ZNF285: variants seen among roughly 807,000 people sequenced by gnomAD.
The protein encoded by ZNF285 is zinc finger protein 285, also known as zinc finger protein 285A.
Under a neutral mutation model 6.2 loss-of-function variants are expected in ZNF285, and 4 were observed. The observed-to-expected ratio is 0.65, with a 90% confidence interval of 0.32 to 1.49. The LOEUF (loss-of-function observed/expected upper bound fraction) is 1.49. Ranked by LOEUF, ZNF285 falls within the 40% of genes most tolerant of loss-of-function variation. ZNF285 has a pLI of 0.07. For synonymous variants in ZNF285, 240 were observed against 245.8 expected (o/e 0.98, Z 0.22); for missense variants, 695 against 708.8 (o/e 0.98, Z 0.22).
intron 1 of ZNF285, among the ~76,000 whole-genome samples, chr19:44,399,087 G>A (rs1971332514): frequency 6.6e-6 from 1 of 151,702 alleles, no homozygotes; most frequent in African/African-American, 2.4e-5. Context: ...CAAATTATCT[G>A]GTCACAGACC....
In ZNF285 at chr19:44,382,497, A is replaced by G. The variant is rs1971019307; in HGVS notation, c.*3975T>C. ...GTATTTTTAGTAGAGACGGGGTTTCACTATGTTGGCCAGGCTGGTCTCAAA... is the reference window on the plus strand; with the variant it reads ...GTATTTTTAGTAGAGACGGGGTTTCGCTATGTTGGCCAGGCTGGTCTCAAA... On this transcript the variant is annotated 3_prime_UTR_variant, in exon 4 of 4. Transcript: ENST00000614994. 1 of 151,900 alleles carries G rather than the reference A, an allele frequency of 6.6e-6. No homozygotes were observed. The highest frequency in any genetic ancestry group is 2.4e-5 in the African/African-American group (1 of 41,306). The allele number at this position is 151,900 out of a possible 1,614,324, so 9.4% of individuals were successfully genotyped here.
intron 2 of ZNF285, among the ~76,000 whole-genome samples, chr19:44,394,154 C>T (rs1368818614): frequency 2.6e-5 from 4 of 152,030 alleles, no homozygotes; most frequent in South Asian, 2.1e-4. Flanking sequence ...AGCAAACTAT[C>T]GCAAGGATAA....
intron 3 of ZNF285, among the ~76,000 whole-genome samples, chr19:44,390,091 C>T (rs1971167334): frequency 6.6e-6 from 1 of 152,114 alleles, no homozygotes; most frequent in Non-Finnish European, 1.5e-5. Flanking sequence ...CCATAATTCC[C>T]ACATGTCAGA....
rs556655800 is a variant in ZNF285, at chr19:44,401,582, C to G, written c.-58G>C. ...ACGGGACTCACCCCAGCGTCCCAAA[C>G]AATGTCGCCCGCAGCGTGCGTCCAG... On this transcript the variant is annotated 5_prime_UTR_variant, in exon 1 of 4. Transcript: ENST00000614994. The G allele has an allele frequency of 6.6e-6, 1 of 152,276 alleles. No individual in the cohort carries two copies. The highest frequency in any genetic ancestry group is 1.5e-5 in the Non-Finnish European group (1 of 68,100). 9.4% of individuals were successfully genotyped at this position (152,276 alleles called of 1,614,324 possible). A position where few individuals can be genotyped will look rare whatever the true frequency, so the allele number is the denominator to read the frequency against.
chr19:44,397,068 T>A lies in ZNF285; in HGVS notation c.15+131A>T. 3 of 1,325,462 alleles carry A rather than the reference T, an allele frequency of 2.3e-6. No individual in the cohort carries two copies. The South Asian group carries it at 4.1e-5, about 18-fold the overall frequency. 82.1% of individuals were successfully genotyped at this position (1,325,462 alleles called of 1,614,324 possible). On this transcript the variant is annotated intron_variant, in intron 2 of 3. Transcript: ENST00000614994. ...GAGTCAAACCACCTGCCTCACAAAG[T>A]CATTATGAGCAGATAAAGTACCTAA...
chr19:44,392,411 A>G lies in ZNF285; in HGVS notation c.71T>C (p.Leu24Pro), dbSNP rs1278517728. Residue 24 changes from leucine to proline, a missense_variant, in exon 3 of 4, where the codon CTA (leucine) becomes CCA (proline). Transcript: ENST00000614994. ...CAGGTTTATCTGGGCTTTATCCAAT[A>G]GTGCCAGCTCTTCCTTGGTGAAGAC... is the stretch of plus-strand genomic sequence containing the variant. ...AVVFTKEELA[L>P]LDKAQINLYQ... The G allele has an allele frequency of 1.2e-6, 2 of 1,613,872 alleles. No homozygotes were observed. Among genetic ancestry groups the G allele is most frequent in the Non-Finnish European group, 1.7e-6 (2 of 1,179,842 alleles).
Position 44,400,353 on chromosome 19 carries a change from G to C in ZNF285, c.-44+1215C>G, listed in dbSNP as rs565952395. 2.0e-5 allele frequency among the ~76,000 whole-genome samples: 3 copies of C among 151,546 alleles called. No homozygotes were observed. In the South Asian group the frequency reaches 6.3e-4, roughly 32 times the overall value. ...CTGAATCTGGAACTGCAATTGCCCA[G>C]AAACACGATCAGAAATGTAATAAAT... is the stretch of plus-strand genomic sequence containing the variant. On this transcript the variant is annotated intron_variant, in intron 1 of 3. Coordinates refer to ENST00000614994, the MANE Select transcript of ZNF285 (RefSeq NM_152354.6).
chr19:44,399,592 A>G (rs1240575165), intron 1 of ZNF285, among the ~76,000 whole-genome samples: 2 of 151,868 alleles, frequency 1.3e-5, no homozygotes, highest in Non-Finnish European at 2.9e-5. Context: ...TGAAGAGCCA[A>G]TAATGGGACA....
rs533921143 is a variant in ZNF285 at position 44,383,939 on chromosome 19, A to C, written c.*2533T>G. The C allele has an allele frequency of 6.6e-6, 1 of 152,316 alleles. No individual in the cohort carries two copies. The highest frequency in any genetic ancestry group is 2.4e-5 in the African/African-American group (1 of 41,576). The allele number at this position is 152,316 out of a possible 1,614,324, so 9.4% of individuals were successfully genotyped here. On this transcript the variant is annotated 3_prime_UTR_variant, in exon 4 of 4. Coordinates refer to ENST00000614994, the MANE Select transcript of ZNF285 (RefSeq NM_152354.6). ...ATTTAAAAAGCTTAATGTGATATGC[A>C]AGCGCTGCTCCCGGCCAAACTAGAG...
intron 3 of ZNF285, among the ~76,000 whole-genome samples, chr19:44,390,322 T>TA (rs1312629941): frequency 3.3e-5 from 5 of 152,110 alleles, no homozygotes; most frequent in African/African-American, 1.2e-4. Context: ...ACCCACCTCT[T>TA]ACATGAGTGT....
intron 1 of ZNF285, among the ~76,000 whole-genome samples, chr19:44,400,428 A>G (rs1300128659): frequency 1.3e-5 from 2 of 152,126 alleles, no homozygotes; most frequent in Admixed American, 6.6e-5. Flanking sequence ...ACTTTATCAA[A>G]TATACAGAGA....
intron 2 of ZNF285, among the ~76,000 whole-genome samples, chr19:44,392,937 T>C (rs1234742953): frequency 6.6e-6 from 1 of 152,178 alleles, no homozygotes; most frequent in Non-Finnish European, 1.5e-5. Flanking sequence ...TTAATCTATT[T>C]GTATTATGTT....
Position 44,383,332 on chromosome 19 carries a change from A to G in ZNF285, c.*3140T>C, listed in dbSNP as rs1430061368. On this transcript the variant is annotated 3_prime_UTR_variant, in exon 4 of 4. Coordinates refer to ENST00000614994, the MANE Select transcript of ZNF285 (RefSeq NM_152354.6). Reference sequence around the variant, plus strand: ...TTGCTTTAATCATTAAAATGTGGTGAAAGTATCATTGAGCCTGTTCCCTGA... The same window carrying G: ...TTGCTTTAATCATTAAAATGTGGTGGAAGTATCATTGAGCCTGTTCCCTGA... 5.9e-5 allele frequency: 9 copies of G among 152,332 alleles called. No individual in the cohort carries two copies. Among genetic ancestry groups the G allele is most frequent in the Non-Finnish European group, 1.3e-4 (9 of 68,040 alleles). The allele number at this position is 152,332 out of a possible 1,614,324, so 9.4% of individuals were successfully genotyped here.
At chr19:44,391,022 T>TGG (rs1407701125) in intron 3 of ZNF285, among the ~76,000 whole-genome samples, 2 of 151,724 alleles carry the variant, frequency 1.3e-5, no homozygotes, top group Non-Finnish European at 2.9e-5. Context: ...GGTGTGGTGG[T>TGG]GCATGTCTGT....
In ZNF285 at chr19:44,386,104, G is replaced by A. The variant is rs569531714; in HGVS notation, c.*368C>T. The A allele has an allele frequency of 2.1e-5, 4 of 187,208 alleles. No individual in the cohort carries two copies. The highest frequency in any genetic ancestry group is 2.5e-4 in the East Asian group (2 of 8,162). 11.6% of individuals were successfully genotyped at this position (187,208 alleles called of 1,614,324 possible). A position where few individuals can be genotyped will look rare whatever the true frequency, so the allele number is the denominator to read the frequency against. ...ATACAGAGAGTATTTTTCTACTGGG[G>A]ACTAAAAAAAAATCTAAAGACGTTG... On this transcript the variant is annotated 3_prime_UTR_variant, in exon 4 of 4. Transcript: ENST00000614994.
At chr19:44,399,859 G>T in intron 1 of ZNF285, among the ~76,000 whole-genome samples, 1 of 152,078 alleles carries the variant, frequency 6.6e-6, no homozygotes, top group South Asian at 2.1e-4. Context: ...ATAATACCTG[G>T]GCCTTAAGAG....
Position 44,392,431 on chromosome 19 carries a change from G to A in ZNF285, c.51C>T (p.Phe17=). ...CCAATAGTGCCAGCTCTTCCTTGGT[G>A]AAGACAACAGCCACATCCTTGAATG... ...RVTFKDVAVV[F]TKEELALLDK... is the part of the protein sequence containing the mutation. The change falls in exon 3 of 4, where the codon TTC becomes TTT. Residue 17 remains phenylalanine (F), a synonymous_variant. Transcript: ENST00000614994. The A allele has an allele frequency of 6.2e-7, 1 of 1,613,860 alleles. No individual in the cohort carries two copies. Among genetic ancestry groups the A allele is most frequent in the Non-Finnish European group, 8.5e-7 (1 of 1,179,838 alleles).
At chr19:44,393,094 T>C (rs1269379520) in intron 2 of ZNF285, among the ~76,000 whole-genome samples, 3 of 152,144 alleles carry the variant, frequency 2.0e-5, no homozygotes, top group Admixed American at 6.5e-5. Flanking sequence ...GTGAAATTTC[T>C]TGAGTATGTT....
rs1971045028 is a variant in ZNF285, at chr19:44,384,876, T to C, written c.*1596A>G. 1 of 151,800 alleles carries C rather than the reference T, an allele frequency of 6.6e-6. No individual in the cohort carries two copies. The highest frequency in any genetic ancestry group is 2.4e-5 in the African/African-American group (1 of 41,304). 9.4% of individuals were successfully genotyped at this position (151,800 alleles called of 1,614,324 possible). Reference sequence around the variant, plus strand: ...AGCTGAACACGGTGGTGTATGTCTGTAGTCCCAGCTACTCAGGAGGCTGAG... The same window carrying C: ...AGCTGAACACGGTGGTGTATGTCTGCAGTCCCAGCTACTCAGGAGGCTGAG... On this transcript the variant is annotated 3_prime_UTR_variant, in exon 4 of 4. Coordinates refer to ENST00000614994, the MANE Select transcript of ZNF285 (RefSeq NM_152354.6).
Sources: allele counts gnomAD v4.1 joint callset (sites outside exome capture counted in the v4.1 genomes callset), GRCh38; gene constraint gnomAD v4.1.1; transcripts MANE v1.5; gene names NCBI Gene and HGNC (gene_info 2026-07-23, HGNC 2026-07-21).